ZFAT: variants seen among roughly 807,000 people sequenced by gnomAD.
ZFAT encodes zinc finger and AT-hook domain containing.
A neutral mutation model predicts 117.7 loss-of-function variants in ZFAT; 64 were observed. That is an observed-to-expected ratio of 0.54 (90% CI 0.44 to 0.67). The LOEUF is 0.67. Among genes scored for constraint, ZFAT ranks in the 30% least tolerant of loss-of-function variants. ZFAT has a pLI of 0.00. For synonymous variants in ZFAT, 679 were observed against 615.0 expected (o/e 1.10, Z -1.54); for missense variants, 1,433 against 1,584.5 (o/e 0.90, Z 1.62).
chr8:134,718,827 T>A, the ZFAT span, among the ~76,000 whole-genome samples: 8 of 152,170 alleles, frequency 5.3e-5, no homozygotes, highest in Non-Finnish European at 8.8e-5. Flanking sequence ...GAAGAGAAAA[T>A]AACTATTTCA....
At chr8:134,719,688 A>G in the ZFAT span, among the ~76,000 whole-genome samples, 1 of 152,200 alleles carries the variant, frequency 6.6e-6, no homozygotes, top group African/African-American at 2.4e-5. Context: ...ACAGAGGCAG[A>G]AAAAAAGCCC....
At chr8:134,550,239 A>G (rs1200813916) in intron 11 of ZFAT, among the ~76,000 whole-genome samples, 1 of 145,518 alleles carries the variant, frequency 6.9e-6, no homozygotes, top group Non-Finnish European at 1.5e-5. Flanking sequence ...TTTTTGCTTT[A>G]TCGCTTCAGG....
In ZFAT at chr8:134,601,844, CTGG is replaced by C; in HGVS notation, c.1872_1874del (p.Gln625del). ...GTAGTGTGATCACTTCACCTTGCGT[CTGG>C]ACTGAGCTTCTGTGCTGCATGTCTG... On this transcript the variant is annotated inframe_deletion, in exon 6 of 16. Coordinates refer to ENST00000377838, the MANE Select transcript of ZFAT (RefSeq NM_020863.4). 6.2e-7 allele frequency: 1 copy of C among 1,612,550 alleles called. No individual in the cohort carries two copies. Among genetic ancestry groups the C allele is most frequent in the Non-Finnish European group, 8.5e-7 (1 of 1,178,992 alleles).
intron 10 of ZFAT, among the ~76,000 whole-genome samples, chr8:134,581,744 C>T (rs1045832940): frequency 1.3e-5 from 2 of 152,102 alleles, no homozygotes; most frequent in African/African-American, 4.8e-5. Flanking sequence ...GCCACCATGC[C>T]CCGTTAATTT....
chr8:134,819,653 T>C, the ZFAT span, among the ~76,000 whole-genome samples: 1 of 152,094 alleles, frequency 6.6e-6, no homozygotes, highest in African/African-American at 2.4e-5. Flanking sequence ...CCTTAAATAT[T>C]GGTGCTCTTC....
chr8:134,574,835 G>A lies in ZFAT; in HGVS notation c.2887+8997C>T, dbSNP rs1586736852. Among the ~76,000 whole-genome samples, 3 of 152,138 alleles carry A rather than the reference G, an allele frequency of 2.0e-5. No homozygotes were observed. The East Asian group carries it at 5.8e-4, about 29-fold the overall frequency. On this transcript the variant is annotated intron_variant, in intron 10 of 15. Transcript: ENST00000377838. ...TTATGACTGTTTATCCAGTCTTACT[G>A]AAAAAGGTGGTATTTTACATAAGTA...
At chr8:134,724,427 C>T in the ZFAT span, among the ~76,000 whole-genome samples, 1 of 152,160 alleles carries the variant, frequency 6.6e-6, no homozygotes, top group African/African-American at 2.4e-5. Context: ...ATTTTAGAAG[C>T]TGAGAAAGAA....
the ZFAT span, among the ~76,000 whole-genome samples, chr8:134,718,792 T>C: frequency 6.6e-6 from 1 of 152,198 alleles, no homozygotes; most frequent in Non-Finnish European, 1.5e-5. Context: ...AGCTGTCACA[T>C]AAACAGCACT....
At chr8:134,727,143 A>C in the ZFAT span, among the ~76,000 whole-genome samples, 1 of 152,164 alleles carries the variant, frequency 6.6e-6, no homozygotes, top group East Asian at 1.9e-4. Flanking sequence ...AGAAAAAAAA[A>C]AACAAAACAA....
At chr8:134,694,134 G>A (rs1277618183) in intron 1 of ZFAT, among the ~76,000 whole-genome samples, 1 of 152,116 alleles carries the variant, frequency 6.6e-6, no homozygotes, top group Admixed American at 6.5e-5. Flanking sequence ...GAGACATGAC[G>A]CTGGAACGCG....
At chr8:134,737,006 C>G in the ZFAT span, among the ~76,000 whole-genome samples, 7 of 151,954 alleles carry the variant, frequency 4.6e-5, no homozygotes, top group African/African-American at 1.4e-4. Context: ...TCTGGCCAGG[C>G]GTGGTGGCTC....
At chr8:134,512,278 T>C (rs1183730322) in intron 14 of ZFAT, among the ~76,000 whole-genome samples, 197 bp downstream of exon 14, 1 of 152,236 alleles carries the variant, frequency 6.6e-6, no homozygotes, top group East Asian at 1.9e-4. Flanking sequence ...TTCCCTCTGC[T>C]TTGGCTCTGT....
chr8:134,617,738 C>A (rs183181358), intron 3 of ZFAT, among the ~76,000 whole-genome samples: 1 of 152,216 alleles, frequency 6.6e-6, no homozygotes, highest in African/African-American at 2.4e-5. Flanking sequence ...AGCTGCGCTG[C>A]CCAACCCACC....
intron 10 of ZFAT, among the ~76,000 whole-genome samples, chr8:134,569,958 C>G (rs1824770048): frequency 6.6e-6 from 1 of 152,228 alleles, no homozygotes; most frequent in Admixed American, 6.5e-5. Context: ...TGCTCCTCTT[C>G]CCAGCACCCT....
At chr8:134,531,601 C>T (rs1207906103) in intron 12 of ZFAT, among the ~76,000 whole-genome samples, 1 of 152,146 alleles carries the variant, frequency 6.6e-6, no homozygotes, top group African/African-American at 2.4e-5. Flanking sequence ...GGTAACATGC[C>T]CAAGATGGCA....
chr8:134,827,750 A>C, the ZFAT span, among the ~76,000 whole-genome samples: 1 of 150,336 alleles, frequency 6.7e-6, no homozygotes, highest in African/African-American at 2.5e-5. Context: ...CCTGGGTGAC[A>C]GAGTGAGACT....
At chr8:134,659,338 G>A (rs1831814273) in intron 1 of ZFAT, among the ~76,000 whole-genome samples, 1 of 152,316 alleles carries the variant, frequency 6.6e-6, no homozygotes, top group Admixed American at 6.5e-5. Context: ...GGCATAGTGA[G>A]GGGGACACAA....
chr8:134,574,169 C>G (rs1451694377), intron 10 of ZFAT, among the ~76,000 whole-genome samples: 1 of 152,194 alleles, frequency 6.6e-6, no homozygotes, highest in Admixed American at 6.5e-5. Flanking sequence ...GGGGAGCCAG[C>G]AGGGTACCTG....
intron 1 of ZFAT, among the ~76,000 whole-genome samples, chr8:134,681,630 C>T (rs1437169431): frequency 2.0e-5 from 3 of 152,186 alleles, no homozygotes; most frequent in Admixed American, 1.3e-4. Flanking sequence ...ATCATCCTCC[C>T]TGCTTTGTAA....
Sources: gnomAD v4.1 joint callset for allele counts (sites outside exome capture counted in the v4.1 genomes callset) on GRCh38, gnomAD v4.1.1 for gene constraint, MANE v1.5 for transcripts, NCBI Gene and HGNC (gene_info 2026-07-23, HGNC 2026-07-21) for gene names.